SDK1: variants seen among roughly 807,000 people sequenced by gnomAD.
SDK1 encodes the protein protein sidekick-1.
A neutral mutation model predicts 245.5 loss-of-function variants in SDK1; 157 were observed. The observed-to-expected ratio is 0.64, with a 90% confidence interval of 0.56 to 0.73. The LOEUF (loss-of-function observed/expected upper bound fraction) is 0.73. SDK1 is among the 30% of genes least tolerant of loss of function. The pLI, the probability that SDK1 is intolerant of heterozygous loss-of-function variation, is 0.00. For synonymous variants in SDK1, 1,647 were observed against 1,278.5 expected (o/e 1.29, Z -6.15); for missense variants, 3,583 against 3,002.3 (o/e 1.19, Z -4.52).
At chr7:3,685,019 G>A (rs777371303) in intron 4 of SDK1, among the ~76,000 whole-genome samples, 10 of 152,112 alleles carry the variant, frequency 6.6e-5, no homozygotes, top group Non-Finnish European at 8.8e-5. Context: ...GGTAACATTG[G>A]TATCATCAGA....
chr7:3,343,124 C>G (rs1272894206), intron 1 of SDK1, among the ~76,000 whole-genome samples: 1 of 151,802 alleles, frequency 6.6e-6, no homozygotes, highest in Admixed American at 6.6e-5. Flanking sequence ...TCTTATAAAA[C>G]TAAACGTAGA....
chr7:3,350,997 C>T (rs1780645834), intron 1 of SDK1, among the ~76,000 whole-genome samples: 1 of 152,144 alleles, frequency 6.6e-6, no homozygotes, highest in African/African-American at 2.4e-5. Flanking sequence ...TCAATAATAT[C>T]TGATACTACA....
chr7:4,139,684 TGTGTGTATG>T (rs1779421098), intron 28 of SDK1, among the ~76,000 whole-genome samples: 2 of 147,488 alleles, frequency 1.4e-5, no homozygotes, highest in East Asian at 2.0e-4. Flanking sequence ...TATATGTGTG[TGTGTGTATG>T]TGTGTGTGTG....
chr7:3,842,428 A>G (rs1043841376), intron 5 of SDK1, among the ~76,000 whole-genome samples: 2 of 146,868 alleles, frequency 1.4e-5, no homozygotes, highest in African/African-American at 5.5e-5. Context: ...TGGCATGGGT[A>G]CTGGGTCACT....
intron 22 of SDK1, among the ~76,000 whole-genome samples, chr7:4,086,039 T>C (rs1417180132): frequency 6.6e-6 from 1 of 152,226 alleles, no homozygotes. Flanking sequence ...CTTTTGGTTT[T>C]TCCTTTTTCT....
intron 4 of SDK1, among the ~76,000 whole-genome samples, chr7:3,748,699 C>A (rs6967027): frequency 0.066 from 10,087 of 152,250 alleles, 1,032 homozygotes; most frequent in African/African-American, 0.22. Context: ...TGGTTACCAT[C>A]ACACAATCAC....
At chr7:3,698,943 C>G (rs1332785644) in intron 4 of SDK1, among the ~76,000 whole-genome samples, 1 of 152,134 alleles carries the variant, frequency 6.6e-6, no homozygotes, top group African/African-American at 2.4e-5. Flanking sequence ...CTATAATAAC[C>G]TCCTACCCAG....
At chr7:3,401,298 G>T (rs117256479) in intron 1 of SDK1, among the ~76,000 whole-genome samples, 1 of 152,148 alleles carries the variant, frequency 6.6e-6, no homozygotes, top group African/African-American at 2.4e-5. Flanking sequence ...CATGGAGGCA[G>T]GATCAGAATG....
chr7:3,451,651 T>A (rs1479153956), intron 1 of SDK1, among the ~76,000 whole-genome samples: 1 of 152,192 alleles, frequency 6.6e-6, no homozygotes, highest in Admixed American at 6.5e-5. Context: ...ACTGAGTGAT[T>A]TACTGAAATT....
At chr7:3,787,388 C>T (rs1780936699) in intron 4 of SDK1, among the ~76,000 whole-genome samples, 1 of 152,118 alleles carries the variant, frequency 6.6e-6, no homozygotes, top group Admixed American at 6.5e-5. Flanking sequence ...GGTGACAGAG[C>T]GTAGCAACAT....
chr7:4,097,785 G>A (rs1366626357), intron 22 of SDK1, among the ~76,000 whole-genome samples: 1 of 152,100 alleles, frequency 6.6e-6, no homozygotes, highest in Admixed American at 6.5e-5. Flanking sequence ...CAGCATTTCG[G>A]TCATAATAAA....
intron 4 of SDK1, among the ~76,000 whole-genome samples, chr7:3,713,109 G>A (rs984506097): frequency 2.0e-5 from 3 of 152,216 alleles, no homozygotes; most frequent in East Asian, 1.9e-4. Context: ...CTTGCACAGC[G>A]GGGAGCAGGC....
chr7:3,857,333 A>C (rs1365638485), intron 5 of SDK1, among the ~76,000 whole-genome samples: 1 of 152,152 alleles, frequency 6.6e-6, no homozygotes, highest in African/African-American at 2.4e-5. Context: ...AAAGGTATAG[A>C]TATTAGAAAA....
intron 1 of SDK1, among the ~76,000 whole-genome samples, chr7:3,377,999 G>A (rs1042758550): frequency 6.6e-6 from 1 of 152,046 alleles, no homozygotes; most frequent in African/African-American, 2.4e-5. Context: ...GGCTGGTCTT[G>A]AACTCCTGGG....
At chr7:3,666,984 G>A (rs1452681255) in intron 4 of SDK1, among the ~76,000 whole-genome samples, 2 of 152,024 alleles carry the variant, frequency 1.3e-5, no homozygotes, top group Non-Finnish European at 2.9e-5. Flanking sequence ...TTAAGGACTT[G>A]TGTTTGGTGT....
chr7:3,382,809 C>G (rs1402194582), intron 1 of SDK1, among the ~76,000 whole-genome samples: 3 of 152,092 alleles, frequency 2.0e-5, no homozygotes, highest in Non-Finnish European at 2.9e-5. Context: ...TTCACAACAT[C>G]TGATTCATTG....
intron 1 of SDK1, among the ~76,000 whole-genome samples, chr7:3,445,513 T>C (rs1780316389): frequency 6.6e-6 from 1 of 152,184 alleles, no homozygotes; most frequent in African/African-American, 2.4e-5. Flanking sequence ...TATTTTGAAA[T>C]AATTATAGAT....
At chr7:4,083,621 C>CTTCCTTCTTTACTTCT (rs1781214856) in intron 22 of SDK1, among the ~76,000 whole-genome samples, 1 of 123,162 alleles carries the variant, frequency 8.1e-6, no homozygotes, top group Non-Finnish European at 1.7e-5. Flanking sequence ...TCTCTTGTCC[C>CTTCCTTCTTTACTTCT]TCCCTCCCTC....
intron 12 of SDK1, among the ~76,000 whole-genome samples, chr7:3,972,681 C>T (rs1236130312): frequency 6.6e-6 from 1 of 152,212 alleles, no homozygotes; most frequent in Non-Finnish European, 1.5e-5. Flanking sequence ...TCTGGGGCCT[C>T]TCACCCCGAG....
Sources: allele counts gnomAD v4.1 joint callset (sites outside exome capture counted in the v4.1 genomes callset), GRCh38; gene constraint gnomAD v4.1.1; transcripts MANE v1.5; gene names NCBI Gene and HGNC (gene_info 2026-07-23, HGNC 2026-07-21).